The following LINGO2 variants were observed in gnomAD, a reference collection of about 807,000 sequenced individuals.
LINGO2 encodes leucine-rich repeat and immunoglobulin-like domain-containing nogo receptor-interacting protein 2.
LINGO2 carries 14 observed loss-of-function variants against 30.6 expected under a neutral mutation model. The observed-to-expected ratio is 0.46, with a 90% CI of 0.30 to 0.72. LINGO2 has a LOEUF of 0.72. Among genes scored for constraint, LINGO2 ranks in the 30% least tolerant of loss-of-function variants. LINGO2 has a pLI of 0.07. For synonymous variants in LINGO2, 317 were observed against 288.5 expected (o/e 1.10, Z -1.00); for missense variants, 729 against 751.7 (o/e 0.97, Z 0.35).
chr9:28,153,851 C>G (rs1457504701), intron 4 of LINGO2, among the ~76,000 whole-genome samples: 2 of 151,788 alleles, frequency 1.3e-5, no homozygotes, highest in Non-Finnish European at 2.9e-5. Flanking sequence ...ATACTATATC[C>G]TAGGAAGGAA....
chr9:28,671,470 C>T (rs1829006168), upstream of LINGO2, among the ~76,000 whole-genome samples: 2 of 148,262 alleles, frequency 1.3e-5, no homozygotes, highest in South Asian at 2.1e-4. Context: ...AAGATTATGA[C>T]CTTTTTAGCA....
intron 2 of LINGO2, among the ~76,000 whole-genome samples, chr9:28,399,533 C>T (rs950441645): frequency 1.3e-5 from 2 of 151,982 alleles, no homozygotes; most frequent in Admixed American, 6.6e-5. Flanking sequence ...AACATGGTTA[C>T]AATAATTCAT....
the LINGO2 span, among the ~76,000 whole-genome samples, chr9:28,990,102 G>T: frequency 6.6e-6 from 1 of 152,198 alleles, no homozygotes; most frequent in Non-Finnish European, 1.5e-5. Flanking sequence ...TTGCCTCACT[G>T]GGAAGCGCAA....
the LINGO2 span, among the ~76,000 whole-genome samples, chr9:28,984,707 G>A: frequency 1.6e-4 from 25 of 151,888 alleles, no homozygotes; most frequent in African/African-American, 3.9e-4. Flanking sequence ...AAGTTGACTC[G>A]TATAAATATT....
chr9:28,762,406 T>C, the LINGO2 span, among the ~76,000 whole-genome samples: 1 of 152,056 alleles, frequency 6.6e-6, no homozygotes, highest in South Asian at 2.1e-4. Context: ...TTAGGTTAAC[T>C]GTTTTTGTTT....
the LINGO2 span, among the ~76,000 whole-genome samples, chr9:28,996,168 C>T: frequency 6.1e-3 from 919 of 149,450 alleles, 10 homozygotes; most frequent in African/African-American, 0.022. Context: ...CCAAACTGTT[C>T]GGCCATCTAA....
chr9:28,611,569 A>G (rs1337083019), intron 1 of LINGO2, among the ~76,000 whole-genome samples: 1 of 152,128 alleles, frequency 6.6e-6, no homozygotes, highest in Non-Finnish European at 1.5e-5. Context: ...CCCATGGCAA[A>G]TACCATTCTA....
chr9:28,905,688 G>A, the LINGO2 span, among the ~76,000 whole-genome samples: 10 of 151,980 alleles, frequency 6.6e-5, no homozygotes, highest in African/African-American at 2.4e-4. Flanking sequence ...AGACAAAAGG[G>A]AATTCTTTAA....
At chr9:28,826,564 T>C in the LINGO2 span, among the ~76,000 whole-genome samples, 2 of 152,064 alleles carry the variant, frequency 1.3e-5, no homozygotes, top group Non-Finnish European at 2.9e-5. Context: ...CACAAAATTG[T>C]TTAGGATTAT....
chr9:28,739,407 T>C, the LINGO2 span, among the ~76,000 whole-genome samples: 16 of 151,954 alleles, frequency 1.1e-4, no homozygotes, highest in African/African-American at 3.9e-4. Flanking sequence ...CAAAAAGCTA[T>C]TTGGAATAAA....
At chr9:28,338,665 G>A (rs1825668510) in intron 3 of LINGO2, among the ~76,000 whole-genome samples, 1 of 152,054 alleles carries the variant, frequency 6.6e-6, no homozygotes, top group South Asian at 2.1e-4. Flanking sequence ...TTGTGATACT[G>A]AGTGAGCTCT....
At chr9:28,985,249 G>A in the LINGO2 span, among the ~76,000 whole-genome samples, 22 of 152,070 alleles carry the variant, frequency 1.4e-4, no homozygotes, top group Non-Finnish European at 2.8e-4. Context: ...ATGTACCACA[G>A]ATTCTTTATC....
At chr9:29,090,435 A>G in the LINGO2 span, among the ~76,000 whole-genome samples, 1 of 151,936 alleles carries the variant, frequency 6.6e-6, no homozygotes, top group Admixed American at 6.6e-5. Context: ...GTCTATATCC[A>G]TGTCTGTCCC....
chr9:29,105,557 T>A, the LINGO2 span, among the ~76,000 whole-genome samples: 1 of 152,208 alleles, frequency 6.6e-6, no homozygotes, highest in East Asian at 1.9e-4. Flanking sequence ...AGACTTTGTC[T>A]AATTTCCTTC....
chr9:29,141,070 C>T, the LINGO2 span, among the ~76,000 whole-genome samples: 2 of 151,980 alleles, frequency 1.3e-5, no homozygotes, highest in Middle Eastern at 6.8e-3. Flanking sequence ...TGAAAGGATG[C>T]TAGATAGCAA....
At chr9:28,776,798 G>A in the LINGO2 span, among the ~76,000 whole-genome samples, 1 of 151,248 alleles carries the variant, frequency 6.6e-6, no homozygotes, top group Non-Finnish European at 1.5e-5. Context: ...AGGAAGTATA[G>A]AGTATATAGA....
intron 4 of LINGO2, among the ~76,000 whole-genome samples, chr9:28,236,549 A>G (rs2133955530): frequency 6.6e-6 from 1 of 152,334 alleles, no homozygotes; most frequent in East Asian, 1.9e-4. Context: ...ATATTCAGCC[A>G]TAAAAAAGAA....
chr9:28,282,889 T>C (rs1375720897), intron 4 of LINGO2, among the ~76,000 whole-genome samples: 1 of 152,186 alleles, frequency 6.6e-6, no homozygotes, highest in Non-Finnish European at 1.5e-5. Context: ...TTCCAATATT[T>C]GTACTGTAAG....
At chr9:28,086,216 C>T (rs1825910150) in intron 4 of LINGO2, among the ~76,000 whole-genome samples, 2 of 151,922 alleles carry the variant, frequency 1.3e-5, no homozygotes, top group African/African-American at 4.8e-5. Flanking sequence ...TAAAAAAATC[C>T]ACACGTCTCT....
Sources: gnomAD v4.1 joint callset for allele counts (sites outside exome capture counted in the v4.1 genomes callset) on GRCh38, gnomAD v4.1.1 for gene constraint, MANE v1.5 for transcripts, NCBI Gene and HGNC (gene_info 2026-07-23, HGNC 2026-07-21) for gene names.